CADPS: variants seen among roughly 807,000 people sequenced by gnomAD.
CADPS encodes the protein calcium-dependent secretion activator 1.
A neutral mutation model predicts 167.3 loss-of-function variants in CADPS; 57 were observed. The ratio of observed to expected loss-of-function variants is 0.34; its 90% confidence interval spans 0.28 to 0.42. The LOEUF is 0.42. Among genes scored for constraint, CADPS ranks in the 20% least tolerant of loss-of-function variants. The pLI, the probability that CADPS is intolerant of heterozygous loss-of-function variation, is 1.00. For missense variants in CADPS, 1,414 were observed against 1,738.1 expected (o/e 0.81, Z 3.32); for synonymous variants, 676 against 635.3 (o/e 1.06, Z -0.96).
intron 1 of CADPS, among the ~76,000 whole-genome samples, chr3:62,780,016 T>C (rs1256542539): frequency 6.6e-6 from 1 of 152,216 alleles, no homozygotes; most frequent in East Asian, 1.9e-4. Flanking sequence ...TGAGGGCTAG[T>C]GGCTACCACA....
intron 6 of CADPS, among the ~76,000 whole-genome samples, chr3:62,632,805 C>T (rs926988630): frequency 3.3e-5 from 5 of 152,034 alleles, no homozygotes; most frequent in Non-Finnish European, 7.4e-5. Context: ...CAATGTCACC[C>T]TAATGTCAGC....
chr3:62,498,191 A>C (rs143451983), intron 18 of CADPS: 16 of 456,596 alleles, frequency 3.5e-5, no homozygotes, highest in African/African-American at 3.2e-4. Flanking sequence ...AAATAGTAGA[A>C]AAACAGGGAG....
At chr3:62,499,131 G>A in intron 18 of CADPS, 31 bp downstream of exon 18, 2 of 1,407,166 alleles carry the variant, frequency 1.4e-6, no homozygotes. Flanking sequence ...CTAAGGGACA[G>A]TAAGATACAC....
intron 2 of CADPS, among the ~76,000 whole-genome samples, chr3:62,755,624 T>G (rs965594855): frequency 4.6e-5 from 7 of 152,206 alleles, no homozygotes; most frequent in Non-Finnish European, 1.0e-4. Flanking sequence ...TTAAAAAGGC[T>G]CCGGTTTATT....
chr3:62,567,392 G>C (rs1214930931), intron 9 of CADPS, among the ~76,000 whole-genome samples: 2 of 151,712 alleles, frequency 1.3e-5, no homozygotes, highest in Non-Finnish European at 2.9e-5. Flanking sequence ...TATGCGTGTG[G>C]TGGAGGAAAG....
intron 6 of CADPS, among the ~76,000 whole-genome samples, chr3:62,594,317 A>G (rs1247566637): frequency 2.7e-5 from 4 of 150,942 alleles, no homozygotes; most frequent in Non-Finnish European, 4.4e-5. Flanking sequence ...GCCCGCCACT[A>G]TGCCCGGCTA....
intron 10 of CADPS, 103 bp downstream of exon 10, chr3:62,557,302 C>T: frequency 1.3e-6 from 1 of 786,290 alleles, no homozygotes; most frequent in Non-Finnish European, 2.3e-6. Context: ...AGTGAATTGA[C>T]TTAGTGCCTA....
chr3:62,551,936 T>A (rs1404213650), intron 10 of CADPS, among the ~76,000 whole-genome samples: 1 of 152,194 alleles, frequency 6.6e-6, no homozygotes, highest in Non-Finnish European at 1.5e-5. Context: ...TTTTCTTTTT[T>A]GCTCCTATTA....
At chr3:62,630,199 ACAGG>A (rs2065021402) in intron 6 of CADPS, among the ~76,000 whole-genome samples, 3 of 152,214 alleles carry the variant, frequency 2.0e-5, no homozygotes, top group Non-Finnish European at 4.4e-5. Context: ...GAATAAGGAA[ACAGG>A]TAACAGGCTA....
At chr3:62,569,939 C>T (rs1486320181) in intron 9 of CADPS, among the ~76,000 whole-genome samples, 1 of 152,048 alleles carries the variant, frequency 6.6e-6, no homozygotes, top group Non-Finnish European at 1.5e-5. Context: ...CTTTCAAGGA[C>T]AGGTATTACT....
intron 28 of CADPS, chr3:62,403,985 G>A (rs1366118136): frequency 6.6e-6 from 1 of 152,226 alleles, no homozygotes; most frequent in African/African-American, 2.4e-5. Flanking sequence ...CCCCTGTGGT[G>A]CAGGAAGTCT....
intron 1 of CADPS, among the ~76,000 whole-genome samples, chr3:62,777,118 C>G (rs2090492645): frequency 6.6e-6 from 1 of 152,164 alleles, no homozygotes; most frequent in African/African-American, 2.4e-5. Context: ...AATACTAGCA[C>G]AGCAACATAT....
chr3:62,863,068 T>C (rs1198163005), intron 1 of CADPS, among the ~76,000 whole-genome samples: 2 of 152,256 alleles, frequency 1.3e-5, no homozygotes, highest in African/African-American at 4.8e-5. Flanking sequence ...TGAACTCATG[T>C]ATCACCTATT....
rs968490203 is a variant in CADPS at position 62,465,763 on chromosome 3, G to A, written c.3553-313C>T. ...TGCACTTTTTAAAATCCAAAACTGC[G>A]CAAAGCAGTTTCTACGTTACATATT... On this transcript the variant is annotated intron_variant, in intron 25 of 29. Coordinates refer to ENST00000383710, the MANE Select transcript of CADPS (RefSeq NM_003716.4). The surrounding 1 kb of genome is among the most constrained non-coding windows in gnomAD (Gnocchi z 4.1). Among the ~76,000 whole-genome samples, 7 of 152,160 alleles carry A rather than the reference G, an allele frequency of 4.6e-5. No individual in the cohort carries two copies. Among genetic ancestry groups the A allele is most frequent in the Non-Finnish European group, 4.4e-5 (3 of 68,018 alleles).
chr3:62,735,293 T>C (rs76592730), intron 3 of CADPS, among the ~76,000 whole-genome samples: 14,463 of 152,144 alleles, frequency 0.095, 730 homozygotes, highest in South Asian at 0.17. Flanking sequence ...AACACTACTA[T>C]AGATCTGTTA....
intron 1 of CADPS, among the ~76,000 whole-genome samples, chr3:62,845,501 A>G (rs1375330207): frequency 6.6e-6 from 1 of 152,220 alleles, no homozygotes; most frequent in Non-Finnish European, 1.5e-5. Context: ...TGAGGCCCAC[A>G]GCAAGTATTC....
intron 3 of CADPS, among the ~76,000 whole-genome samples, chr3:62,716,874 T>G (rs6773265): frequency 0.55 from 83,157 of 151,982 alleles, 23,118 homozygotes; most frequent in East Asian, 0.74. Context: ...ACTTTCCTGG[T>G]GGTACACCTG....
chr3:62,750,336 G>A (rs144292443), intron 3 of CADPS, among the ~76,000 whole-genome samples: 2,598 of 113,368 alleles, frequency 0.023, 44 homozygotes, highest in South Asian at 0.074. Context: ...GAGTGACAGA[G>A]TGAGACTCTT....
intron 3 of CADPS, among the ~76,000 whole-genome samples, chr3:62,690,125 T>G (rs2078839687): frequency 1.3e-5 from 2 of 151,928 alleles, no homozygotes; most frequent in South Asian, 4.1e-4. Flanking sequence ...TAATGGAAAT[T>G]TTTGGCTTCT....
Sources: allele counts gnomAD v4.1 joint callset (sites outside exome capture counted in the v4.1 genomes callset), GRCh38; gene constraint gnomAD v4.1.1; non-coding constraint Gnocchi (gnomAD v3.1); transcripts MANE v1.5; gene names NCBI Gene and HGNC (gene_info 2026-07-23, HGNC 2026-07-21).